Variants in FLT4 observed in about 807,000 individuals in gnomAD.
FLT4 encodes the protein fms related receptor tyrosine kinase 4, also known as vascular endothelial growth factor receptor 3.
Under a neutral mutation model 163.2 loss-of-function variants are expected in FLT4, and 30 were observed. The ratio of observed to expected loss-of-function variants is 0.18; its 90% CI spans 0.14 to 0.25. The LOEUF (loss-of-function observed/expected upper bound fraction) is 0.25, where lower values mean the gene tolerates loss of function less well. Among genes scored for constraint, FLT4 ranks in the 10% least tolerant of loss-of-function variants. The pLI is 1.00. For missense variants in FLT4, 1,510 were observed against 1,863.8 expected (o/e 0.81, Z 3.50); for synonymous variants, 884 against 789.5 (o/e 1.12, Z -2.01).
Position 180,616,974 on chromosome 5 carries a change from G to A in FLT4, c.3022C>T (p.Pro1008Ser). Reference sequence around the variant, plus strand: ...CAGACAAGATCTTCCATGGTCAGCGGGCTCAGCCACAGGTCCTCAGCTACA... The same window carrying A: ...CAGACAAGATCTTCCATGGTCAGCGAGCTCAGCCACAGGTCCTCAGCTACA... ...DQEAEDLWLS[P>S]LTMEDLVCYS... The change falls in exon 22 of 30, where the codon CCG becomes TCG. Residue 1008 changes from proline to serine, a missense_variant. Physicochemically the swap from Pro to Ser is moderately conservative, Grantham distance 74 (BLOSUM62 -1). Coordinates refer to ENST00000261937, the MANE Select transcript of FLT4 (RefSeq NM_182925.5). The A allele has an allele frequency of 6.2e-7, 1 of 1,613,226 alleles. No individual in the cohort carries two copies. The highest frequency in any genetic ancestry group is 8.5e-7 in the Non-Finnish European group (1 of 1,179,912).
At chr5:180,606,151 G>T (rs1177196994) in intron 29 of FLT4, among the ~76,000 whole-genome samples, 1 of 152,178 alleles carries the variant, frequency 6.6e-6, no homozygotes, top group Admixed American at 6.5e-5. Flanking sequence ...GCCGATACAG[G>T]GTGGTGCAGT....
chr5:180,619,838 G>C lies in FLT4; in HGVS notation c.2543-69C>G. 3 of 1,205,598 alleles carry C rather than the reference G, an allele frequency of 2.5e-6. No homozygotes were observed. The South Asian group carries it at 3.8e-5, about 15-fold the overall frequency. 74.7% of individuals were successfully genotyped at this position (1,205,598 alleles called of 1,614,324 possible). On this transcript the variant is annotated intron_variant, in intron 17 of 29. Coordinates refer to ENST00000261937, the MANE Select transcript of FLT4 (RefSeq NM_182925.5). ...AGCGTGGAGACAGGTGGGCGGCGGG[G>C]GAGCCCCGTGCAGAGGTCCAGGAGG... is the stretch of plus-strand genomic sequence containing the variant.
At chr5:180,648,889 A>G (rs1345966195) in intron 1 of FLT4, among the ~76,000 whole-genome samples, 3 of 152,032 alleles carry the variant, frequency 2.0e-5, no homozygotes, top group Non-Finnish European at 4.4e-5. Flanking sequence ...TCGCCTCCTC[A>G]AGATTCGTCT....
At chr5:180,633,556 A>C (rs954242642) in intron 1 of FLT4, among the ~76,000 whole-genome samples, 6 of 152,106 alleles carry the variant, frequency 3.9e-5, no homozygotes. Context: ...CTGCCATGAG[A>C]GGAGTCTGGG....
chr5:180,631,290 G>A (rs985385392), intron 2 of FLT4, among the ~76,000 whole-genome samples: 22 of 151,950 alleles, frequency 1.4e-4, no homozygotes, highest in African/African-American at 3.9e-4. Flanking sequence ...TGCTTAACAC[G>A]GTGAAACCCC....
chr5:180,625,099 C>G (rs753025624), intron 10 of FLT4, among the ~76,000 whole-genome samples: 3 of 152,206 alleles, frequency 2.0e-5, no homozygotes, highest in Non-Finnish European at 4.4e-5. Context: ...AGTGGGGCTA[C>G]CCTCATCTCC....
In FLT4 at chr5:180,616,504, G is replaced by A; in HGVS notation, c.3097-15C>T. 2 of 1,613,420 alleles carry A rather than the reference G, an allele frequency of 1.2e-6. No homozygotes were observed. Among genetic ancestry groups the A allele is most frequent in the Non-Finnish European group, 1.7e-6 (2 of 1,179,940 alleles). ...CTGTGGATGCACTGGGGTGCGGGGA[G>A]GCGGCAGGGGGGCTGTCAGTGCAGG... On this transcript the variant is annotated splice_polypyrimidine_tract_variant and intron_variant, in intron 22 of 29. Transcript: ENST00000261937.
In FLT4 at chr5:180,619,350, G is replaced by C; in HGVS notation, c.2664C>G (p.Ser888Arg). ...GCTCCGACATCAGCGCGCGGTGCTC[G>C]CTGGCCGTGGCGCCCTCTGGAGGGG... ...VKMLKEGATA[S>R]EHRALMSELK... Residue 888 changes from serine to arginine, a missense_variant, in exon 19 of 30, where the codon AGC becomes AGG. By Grantham distance (110) the Ser-to-Arg change is moderately radical. Coordinates refer to ENST00000261937, the MANE Select transcript of FLT4 (RefSeq NM_182925.5). 6.2e-7 allele frequency: 1 copy of C among 1,609,440 alleles called. No individual in the cohort carries two copies.
chr5:180,617,095 C>T lies in FLT4; in HGVS notation c.3002-101G>A, dbSNP rs573293847. 9.8e-5 allele frequency: 82 copies of T among 840,996 alleles called. No homozygotes were observed. The African/African-American group carries it at 1.3e-3, about 14-fold the overall frequency. The allele number at this position is 840,996 out of a possible 1,614,324, so 52.1% of individuals were successfully genotyped here. A position where few individuals can be genotyped will look rare whatever the true frequency, so the allele number is the denominator to read the frequency against. On this transcript the variant is annotated intron_variant, in intron 21 of 29. Coordinates refer to ENST00000261937, the MANE Select transcript of FLT4 (RefSeq NM_182925.5). The stretch of plus-strand genomic sequence containing the variant: ...AACAAGCATGTCAGCCCCTCTCCTG[C>T]CCCTCAGACTCTGGGACACCCACAT...
At chr5:180,613,418 G>C (rs1386329334) in intron 24 of FLT4, 3 of 358,712 alleles carry the variant, frequency 8.4e-6, no homozygotes, top group Non-Finnish European at 1.5e-5. Flanking sequence ...CAGCGGCGGG[G>C]GAGCCGCCTG....
chr5:180,642,059 T>A (rs1182981384), intron 1 of FLT4, among the ~76,000 whole-genome samples: 1 of 151,922 alleles, frequency 6.6e-6, no homozygotes, highest in Non-Finnish European at 1.5e-5. Context: ...ATACAAAAAT[T>A]AGCCCAGTGT....
At position 180,620,592 on chromosome 5, in the gene FLT4, C is replaced by T. The variant is rs746622665; in HGVS notation, c.2406+17G>A. 10 of 1,550,142 alleles carry T rather than the reference C, an allele frequency of 6.5e-6. No individual in the cohort carries two copies. Among genetic ancestry groups the T allele is most frequent in the East Asian group, 2.2e-5 (1 of 44,528 alleles). ...GGCCTGAGAGAGACTCCATCAGGAG[C>T]GGGGAGGGACACTCACCCTCCTCAT... On this transcript the variant is annotated intron_variant, in intron 16 of 29. Coordinates refer to ENST00000261937, the MANE Select transcript of FLT4 (RefSeq NM_182925.5). The surrounding 1 kb of genome is among the most constrained non-coding windows in gnomAD (Gnocchi z 4.4).
At chr5:180,617,510 G>T (rs113188665) in intron 21 of FLT4, among the ~76,000 whole-genome samples, 5 of 194 alleles carry the variant, frequency 0.026, no homozygotes, top group Admixed American at 0.031. Context: ...CAGCCTCTGG[G>T]ACACCCACGT....
chr5:180,612,560 T>C lies in FLT4; in HGVS notation c.3483A>G (p.Ala1161=), dbSNP rs1274139224. 6.2e-7 allele frequency: 1 copy of C among 1,614,032 alleles called. No homozygotes were observed. The highest frequency in any genetic ancestry group is 8.5e-7 in the Non-Finnish European group (1 of 1,179,950). The change falls in exon 26 of 30, where the codon GCA becomes GCG. Residue 1161 remains alanine (A), a synonymous_variant. Coordinates refer to ENST00000261937, the MANE Select transcript of FLT4 (RefSeq NM_182925.5). The part of the protein sequence containing the change: ...CWSGDPKARP[A]FSELVEILGD... ...CCAGGATCTCCACCAGCTCCGAGAATGCAGGTCTCGCCTTGGGGTCTCCGG... is the reference window on the plus strand; with the variant it reads ...CCAGGATCTCCACCAGCTCCGAGAACGCAGGTCTCGCCTTGGGGTCTCCGG...
At chr5:180,608,039 T>G (rs1369101448) in intron 29 of FLT4, 5 of 696,522 alleles carry the variant, frequency 7.2e-6, no homozygotes, top group Non-Finnish European at 1.3e-5. Context: ...CAGCTTCTTG[T>G]GGGAGGCTGG....
chr5:180,606,326 C>A (rs1039877009), intron 29 of FLT4, among the ~76,000 whole-genome samples: 2 of 152,256 alleles, frequency 1.3e-5, no homozygotes, highest in African/African-American at 4.8e-5. Flanking sequence ...AAGATGGCTG[C>A]CCAGTGCCTC....
chr5:180,602,433 C>G lies in FLT4; in HGVS notation c.*759G>C. On this transcript the variant is annotated 3_prime_UTR_variant, in exon 30 of 30. Coordinates refer to ENST00000261937, the MANE Select transcript of FLT4 (RefSeq NM_182925.5). ...AGTCATCTAGACTCAGTACAGCTGT[C>G]CCTGGGCGCCTTCCAGGCTGAATTC... 1 of 389,300 alleles carries G rather than the reference C, an allele frequency of 2.6e-6. No individual in the cohort carries two copies. The allele number at this position is 389,300 out of a possible 1,614,324, so 24.1% of individuals were successfully genotyped here.
At chr5:180,613,870 T>C (rs1402193638) in intron 24 of FLT4, 198 bp downstream of exon 24, 1 of 651,252 alleles carries the variant, frequency 1.5e-6, no homozygotes, top group Admixed American at 2.1e-5. Context: ...TGGCCCACGT[T>C]GGAGGCAAAG....
In FLT4 at chr5:180,626,358, G is replaced by A. The variant is rs556206239; in HGVS notation, c.1104-93C>T. The A allele has an allele frequency of 1.6e-5, 23 of 1,437,856 alleles. No individual in the cohort carries two copies. In the Admixed American group the frequency reaches 2.4e-4, roughly 15 times the overall value. 89.1% of individuals were successfully genotyped at this position (1,437,856 alleles called of 1,614,324 possible). On this transcript the variant is annotated intron_variant, in intron 8 of 29. Transcript: ENST00000261937. ...CCACCCCAAATACAGTTGGGAGGAG[G>A]GAGGGGCTGGCAGGAGTGCAGGGTA...
Sources: allele counts gnomAD v4.1 joint callset (sites outside exome capture counted in the v4.1 genomes callset), GRCh38; gene constraint gnomAD v4.1.1; non-coding constraint Gnocchi (gnomAD v3.1); transcripts MANE v1.5; gene names NCBI Gene and HGNC (gene_info 2026-07-23, HGNC 2026-07-21).